Variants in TNKS1BP1 observed in about 807,000 individuals in gnomAD.
TNKS1BP1 encodes the protein 182 kDa tankyrase-1-binding protein.
A neutral mutation model predicts 141.1 loss-of-function variants in TNKS1BP1; 48 were observed. The ratio of observed to expected loss-of-function variants is 0.34; its 90% confidence interval spans 0.27 to 0.43. TNKS1BP1 has a LOEUF of 0.43. TNKS1BP1 is among the 20% of genes least tolerant of loss of function. The pLI, the probability that TNKS1BP1 is intolerant of heterozygous loss-of-function variation, is 1.00. For missense variants in TNKS1BP1, 2,149 were observed against 2,226.0 expected, an observed-to-expected ratio of 0.97 and a Z score of 0.70; for synonymous variants, 875 against 898.2, an observed-to-expected ratio of 0.97 and a Z score of 0.46.
intron 1 of TNKS1BP1, chr11:57,322,413 C>A (rs951001021): frequency 3.6e-5 from 24 of 661,752 alleles, no homozygotes; most frequent in Non-Finnish European, 4.5e-5. Flanking sequence ...TCCCACTCAC[C>A]CTCCTTCCCT....
intron 8 of TNKS1BP1, 42 bp from the exon 9 acceptor site, chr11:57,301,985 C>A (rs774683995): frequency 6.2e-7 from 1 of 1,609,910 alleles, no homozygotes; most frequent in South Asian, 1.1e-5. Context: ...GGCAGCACAC[C>A]CAGACTCCCC....
chr11:57,302,339 G>A lies in TNKS1BP1; in HGVS notation c.4684-115C>T. 4.5e-6 allele frequency: 7 copies of A among 1,538,758 alleles called. No homozygotes were observed. The highest frequency in any genetic ancestry group is 6.1e-6 in the Non-Finnish European group (7 of 1,141,348). On this transcript the variant is annotated intron_variant, in intron 7 of 11. Coordinates refer to ENST00000358252, the MANE Select transcript of TNKS1BP1 (RefSeq NM_033396.3). The surrounding 1 kb of genome is among the most constrained non-coding windows in gnomAD (Gnocchi z 5.5). ...TGCAGCCGGAGCTTCACGTTCACGT[G>A]ACGCACCTACAACCCGCTTTCTGCC...
chr11:57,302,609 A>G lies in TNKS1BP1; in HGVS notation c.4533T>C (p.Pro1511=). 1 of 1,612,744 alleles carries G rather than the reference A, an allele frequency of 6.2e-7. No individual in the cohort carries two copies. Among genetic ancestry groups the G allele is most frequent in the East Asian group, 2.2e-5 (1 of 44,840 alleles). Residue 1511 remains proline (P), a synonymous_variant, in exon 7 of 12, where the codon CCT becomes CCC. Coordinates refer to ENST00000358252, the MANE Select transcript of TNKS1BP1 (RefSeq NM_033396.3). The surrounding 1 kb of genome is among the most constrained non-coding windows in gnomAD (Gnocchi z 5.5). The part of the protein sequence containing the change: ...RDSPPSWRPQ[P]DGEASQTEDV... ...CTTCTGTCTGGCTGGCCTCACCATC[A>G]GGCTGCGGCCTCCAGGAGGGTGGAG...
chr11:57,317,572 G>A (rs1055627230), intron 4 of TNKS1BP1, among the ~76,000 whole-genome samples: 1 of 152,234 alleles, frequency 6.6e-6, no homozygotes, highest in South Asian at 2.1e-4. Context: ...AATGGCAGTT[G>A]TTGTGGATAC....
chr11:57,301,684 T>C, intron 9 of TNKS1BP1, 123 bp downstream of exon 9: 1 of 1,305,780 alleles, frequency 7.7e-7, no homozygotes, highest in African/African-American at 1.5e-5. Context: ...GAGAGGAGAG[T>C]GAGAGGAGGA....
At position 57,323,038 on chromosome 11, in the gene TNKS1BP1, C is replaced by A. The variant is rs936327039; in HGVS notation, c.-65-1088G>T. Among the ~76,000 whole-genome samples the A allele has an allele frequency of 3.3e-5, 5 of 152,236 alleles. No homozygotes were observed. The East Asian group carries it at 9.6e-4, about 29-fold the overall frequency. ...TGACTTCTCCAAGCCTCAGTTTCTC[C>A]AACTGAAAAATGGGATTATTGAGAC... On this transcript the variant is annotated intron_variant, in intron 1 of 11. Coordinates refer to ENST00000358252, the MANE Select transcript of TNKS1BP1 (RefSeq NM_033396.3).
In TNKS1BP1 at chr11:57,302,194, G is replaced by T. The variant is rs772359323; in HGVS notation, c.4714C>A (p.Arg1572=). The T allele has an allele frequency of 9.9e-6, 16 of 1,612,838 alleles. No individual in the cohort carries two copies. Among genetic ancestry groups the T allele is most frequent in the African/African-American group, 1.3e-5 (1 of 74,914 alleles). Residue 1572 remains arginine, a synonymous_variant, in exon 8 of 12, where the codon CGG becomes AGG. Coordinates refer to ENST00000358252, the MANE Select transcript of TNKS1BP1 (RefSeq NM_033396.3). The surrounding 1 kb of genome is among the most constrained non-coding windows in gnomAD (Gnocchi z 5.5). ...TTGCGCCCCAAGTTGGCACGGCTCCGATACATGGCACTGTCGAGGATCTCG... is the reference window on the plus strand; with the variant it reads ...TTGCGCCCCAAGTTGGCACGGCTCCTATACATGGCACTGTCGAGGATCTCG... ...DTEILDSAMY[R]SRANLGRKRG...
At position 57,302,418 on chromosome 11, in the gene TNKS1BP1, G is replaced by T; in HGVS notation, c.4683+41C>A. 1 of 1,555,820 alleles carries T rather than the reference G, an allele frequency of 6.4e-7. No homozygotes were observed. On this transcript the variant is annotated intron_variant, in intron 7 of 11. Transcript: ENST00000358252. The surrounding 1 kb of genome is among the most constrained non-coding windows in gnomAD (Gnocchi z 5.5). ...CCAGGAATGGGGCTCTCGCTGCATC[G>T]CCCTCACCCACCCACTGTCATGGGC...
chr11:57,302,796 G>A lies in TNKS1BP1; in HGVS notation c.4346C>T (p.Pro1449Leu), dbSNP rs1395275635. ...SPGRCPARPP[P>L]SGSQGLLEEM... ...CTCCAGCAGGCCCTGGGAGCCGGAG[G>A]GTGGGGGGCGGGCCGGGCACCTGCC... Residue 1449 changes from proline to leucine, a missense_variant, in exon 7 of 12, where the codon CCC becomes CTC. Coordinates refer to ENST00000358252, the MANE Select transcript of TNKS1BP1 (RefSeq NM_033396.3). The surrounding 1 kb of genome is among the most constrained non-coding windows in gnomAD (Gnocchi z 5.5). The A allele has an allele frequency of 6.5e-7, 1 of 1,546,092 alleles. No individual in the cohort carries two copies. The highest frequency in any genetic ancestry group is 1.3e-5 in the African/African-American group (1 of 74,128).
Position 57,320,234 on chromosome 11 carries a change from G to A in TNKS1BP1, c.573C>T (p.His191=), listed in dbSNP as rs552983719. 29 of 1,614,194 alleles carry A rather than the reference G, an allele frequency of 1.8e-5. No individual in the cohort carries two copies. The highest frequency in any genetic ancestry group is 6.7e-5 in the African/African-American group (5 of 75,050). The stretch of plus-strand genomic sequence containing the variant: ...TGGGGCCATATCGCGAGCTGCCATC[G>A]TGGTTAAAGGTGAGGCGGGAACCCC... ...RLWGSRLTFN[H]DGSSRYGPRT... The change falls in exon 3 of 12, where the codon CAC becomes CAT. Residue 191 remains histidine (H), a synonymous_variant. Coordinates refer to ENST00000358252, the MANE Select transcript of TNKS1BP1 (RefSeq NM_033396.3).
chr11:57,300,477 C>T (rs1855508618), intron 11 of TNKS1BP1, 51 bp downstream of exon 11: 2 of 1,585,328 alleles, frequency 1.3e-6, no homozygotes, highest in Non-Finnish European at 1.7e-6. Flanking sequence ...TCCGAAGCCT[C>T]CAGGGCAGGC....
chr11:57,304,808 G>A (rs1855582211), intron 6 of TNKS1BP1, among the ~76,000 whole-genome samples: 1 of 146,212 alleles, frequency 6.8e-6, no homozygotes, highest in African/African-American at 2.5e-5. Flanking sequence ...GGTGGTGGAG[G>A]TTGCAGTGAG....
rs1260735608 is a variant in TNKS1BP1 at position 57,313,599 on chromosome 11, C to T, written c.1089G>A (p.Glu363=). The change falls in exon 5 of 12, where the codon GAG becomes GAA. Residue 363 remains glutamate (E), a synonymous_variant. Coordinates refer to ENST00000358252, the MANE Select transcript of TNKS1BP1 (RefSeq NM_033396.3). ...SPGLPAEGAP[E]APRPSSPPPE... Reference sequence around the variant, plus strand: ...GGGGTGGGCTGCTGGGTCTGGGGGCCTCTGGAGCCCCCTCGGCAGGGAGCC... The same window carrying T: ...GGGGTGGGCTGCTGGGTCTGGGGGCTTCTGGAGCCCCCTCGGCAGGGAGCC... The T allele has an allele frequency of 2.5e-6, 4 of 1,595,816 alleles. No individual in the cohort carries two copies. The highest frequency in any genetic ancestry group is 3.4e-6 in the Non-Finnish European group (4 of 1,171,894).
chr11:57,300,363 GA>G (rs1855507047), intron 11 of TNKS1BP1, among the ~76,000 whole-genome samples, 164 bp downstream of exon 11: 1 of 152,162 alleles, frequency 6.6e-6, no homozygotes, highest in East Asian at 1.9e-4. Flanking sequence ...ACAAAATCTA[GA>G]GAAGCCAAGG....
chr11:57,313,052 C>A lies in TNKS1BP1; in HGVS notation c.1636G>T (p.Asp546Tyr), dbSNP rs773635142. The change falls in exon 5 of 12, where the codon GAT becomes TAT. Residue 546 changes from aspartate to tyrosine, a missense_variant. Asp to Tyr is a radical substitution (Grantham distance 160). Coordinates refer to ENST00000358252, the MANE Select transcript of TNKS1BP1 (RefSeq NM_033396.3). ...TGGGTGAGGGACATGCTTGGATCAT[C>A]CCCCTGCACCCAGGAACTTCCTGAC... ...SGSGSSWVQG[D>Y]DPSMSLTQKG... is the part of the protein sequence containing the mutation. 6.2e-6 allele frequency: 10 copies of A among 1,613,720 alleles called. No homozygotes were observed. Among genetic ancestry groups the A allele is most frequent in the African/African-American group, 1.3e-5 (1 of 74,938 alleles).
At position 57,309,740 on chromosome 11, in the gene TNKS1BP1, C is replaced by T. The variant is rs762692900; in HGVS notation, c.2971G>A (p.Ala991Thr). ...PLSSGFSPEE[A>T]QQQDEEFEKK... is the part of the protein sequence containing the mutation. ...TCAAATTCCTCATCCTGTTGCTGGG[C>T]TTCCTCGGGGCTGAACCCAGAGCTC... is the stretch of plus-strand genomic sequence containing the variant. Residue 991 changes from alanine (A) to threonine (T), a missense_variant, in exon 6 of 12, where the codon GCC becomes ACC. Ala to Thr is a moderately conservative substitution (Grantham distance 58). Transcript: ENST00000358252. This position sits in a 1 kb window ranked among gnomAD's most constrained non-coding sequence, Gnocchi z 4.3. The T allele has an allele frequency of 1.9e-6, 3 of 1,614,232 alleles. No homozygotes were observed. The South Asian group carries it at 3.3e-5, about 18-fold the overall frequency.
At position 57,302,403 on chromosome 11, in the gene TNKS1BP1, G is replaced by GGA; in HGVS notation, c.4683+55_4683+56insTC. 8 of 1,547,232 alleles carry GGA rather than the reference G, an allele frequency of 5.2e-6. No homozygotes were observed. The highest frequency in any genetic ancestry group is 7.0e-6 in the Non-Finnish European group (8 of 1,142,348). On this transcript the variant is annotated intron_variant, in intron 7 of 11. Transcript: ENST00000358252. This position sits in a 1 kb window ranked among gnomAD's most constrained non-coding sequence, Gnocchi z 5.5. ...CTGCTCAGGGAAGCTCCAGGAATGG[G>GGA]GCTCTCGCTGCATCGCCCTCACCCA...
chr11:57,319,144 CA>C (rs558416849), intron 3 of TNKS1BP1, among the ~76,000 whole-genome samples: 3,862 of 64,304 alleles, frequency 0.06, 43 homozygotes, highest in Middle Eastern at 0.081. Context: ...GACTCCGTCT[CA>C]AAAAAAAAAA....
In TNKS1BP1 at chr11:57,313,013, C is replaced by T. The variant is rs564910885; in HGVS notation, c.1675G>A (p.Glu559Lys). ...SMSLTQKGDG[E>K]SQPQFPAVPL... ...ACAGCTGGGAATTGAGGTTGACTCT[C>T]CCCATCGCCCTTCTGGGTGAGGGAC... The change falls in exon 5 of 12, where the codon GAG becomes AAG. Residue 559 changes from glutamate (E) to lysine (K), a missense_variant. Transcript: ENST00000358252. 6.7e-5 allele frequency: 108 copies of T among 1,613,920 alleles called. No individual in the cohort carries two copies. The East Asian group carries it at 1.2e-3, about 18-fold the overall frequency.
Sources: allele counts gnomAD v4.1 joint callset (sites outside exome capture counted in the v4.1 genomes callset), GRCh38; gene constraint gnomAD v4.1.1; non-coding constraint Gnocchi (gnomAD v3.1); transcripts MANE v1.5; gene names NCBI Gene and HGNC (gene_info 2026-07-23, HGNC 2026-07-21).